Variants in FER1L5 observed in about 807,000 individuals in gnomAD.
FER1L5 encodes fer-1 like family member 5, also known as fer-1-like protein 5.
FER1L5 carries 187 observed loss-of-function variants against 279.9 expected under a neutral mutation model. The observed-to-expected ratio is 0.67, with a 90% CI of 0.59 to 0.75. FER1L5 has a LOEUF of 0.75. FER1L5 is among the 30% of genes least tolerant of loss of function. The pLI is 0.00. For synonymous variants in FER1L5, 921 were observed against 989.7 expected, an observed-to-expected ratio of 0.93 and a Z score of 1.30; for missense variants, 2,091 against 2,594.4, an observed-to-expected ratio of 0.81 and a Z score of 4.21.
In FER1L5 at chr2:96,704,719, C is replaced by T. The variant is rs756884485; in HGVS notation, c.*27C>T. 6.3e-7 allele frequency: 1 copy of T among 1,583,570 alleles called. No homozygotes were observed. Among genetic ancestry groups the T allele is most frequent in the Middle Eastern group, 1.7e-4 (1 of 6,000 alleles). On this transcript the variant is annotated 3_prime_UTR_variant, in exon 53 of 53. Coordinates refer to ENST00000624922, the MANE Select transcript of FER1L5 (RefSeq NM_001293083.2). ...TAGTCCATGCTGCCTGGCTTTCCTC[C>T]TGCTACCAACAGCCCTCCCCTTGGG... is the stretch of plus-strand genomic sequence containing the variant.
chr2:96,686,138 C>A, intron 22 of FER1L5, 21 bp downstream of exon 22: 1 of 1,547,378 alleles, frequency 6.5e-7, no homozygotes, highest in South Asian at 1.2e-5. Flanking sequence ...CACACACTGG[C>A]CTGCAGCAGG....
chr2:96,694,575 C>T lies in FER1L5; in HGVS notation c.3741+111C>T, dbSNP rs1157720447. On this transcript the variant is annotated intron_variant, in intron 34 of 52. Transcript: ENST00000624922. This position sits in a 1 kb window ranked among gnomAD's most constrained non-coding sequence, Gnocchi z 4.6. ...ACTACTGGATCCAAAGCTCACACCCCGAAAAAGACTACCTGGGAGGTGGAG... is the reference window on the plus strand; with the variant it reads ...ACTACTGGATCCAAAGCTCACACCCTGAAAAAGACTACCTGGGAGGTGGAG... The T allele has an allele frequency of 1.3e-5, 10 of 794,836 alleles. No individual in the cohort carries two copies. The highest frequency in any genetic ancestry group is 3.5e-5 in the Admixed American group (1 of 28,672). The allele number at this position is 794,836 out of a possible 1,614,324, so 49.2% of individuals were successfully genotyped here.
chr2:96,668,045 G>A (rs2076190702), intron 14 of FER1L5, among the ~76,000 whole-genome samples: 1 of 151,726 alleles, frequency 6.6e-6, no homozygotes, highest in Non-Finnish European at 1.5e-5. Context: ...ATTTTTTGTA[G>A]AGAGAGGATT....
Position 96,695,595 on chromosome 2 carries a change from A to G in FER1L5, c.3828A>G (p.Glu1276=), listed in dbSNP as rs558905649. Residue 1276 remains glutamate (E), a synonymous_variant, in exon 35 of 53, where the codon GAA becomes GAG. Coordinates refer to ENST00000624922, the MANE Select transcript of FER1L5 (RefSeq NM_001293083.2). ...TCGGGGAAGAGTCCCTGAGGACAGA[A>G]CCCATCAGGGACTTTCAGACCAACC... ...VEFGEESLRT[E]PIRDFQTNPN... 6.4e-5 allele frequency: 102 copies of G among 1,600,710 alleles called. No homozygotes were observed. The East Asian group carries it at 1.8e-3, about 28-fold the overall frequency.
intron 7 of FER1L5, 164 bp from the exon 8 acceptor site, chr2:96,653,475 AT>A: frequency 1.6e-6 from 1 of 623,560 alleles, no homozygotes; most frequent in Non-Finnish European, 2.8e-6. Flanking sequence ...AGCATTTTTT[AT>A]TTCAGATTTT....
chr2:96,658,030 T>G (rs1181847816), intron 9 of FER1L5, among the ~76,000 whole-genome samples: 1 of 152,066 alleles, frequency 6.6e-6, no homozygotes, highest in Non-Finnish European at 1.5e-5. Context: ...CTTTTTTTTT[T>G]TTTTGAGATG....
At chr2:96,653,786 C>A in intron 8 of FER1L5, 84 bp downstream of exon 8, 1 of 1,061,278 alleles carries the variant, frequency 9.4e-7, no homozygotes, top group Non-Finnish European at 1.4e-6. Flanking sequence ...AGCCCCCACC[C>A]TTAGAGCCAG....
chr2:96,654,039 A>T, intron 8 of FER1L5: 1 of 384,444 alleles, frequency 2.6e-6, no homozygotes, highest in Non-Finnish European at 4.7e-6. Flanking sequence ...AATGTGGAAC[A>T]TGTGGTTATC....
chr2:96,643,731 AT>A lies in FER1L5; in HGVS notation c.85+826del, dbSNP rs575542946. Among the ~76,000 whole-genome samples the A allele has an allele frequency of 7.3e-3, 1,003 of 136,726 alleles. 3 individuals carry two copies. Among genetic ancestry groups the A allele is most frequent in the Middle Eastern group, 0.015 (4 of 274 alleles). 89.7% of individuals were successfully genotyped at this position (136,726 alleles called of 152,430 possible). A position where few individuals can be genotyped will look rare whatever the true frequency, so the allele number is the denominator to read the frequency against. On this transcript the variant is annotated intron_variant, in intron 1 of 52. Transcript: ENST00000624922. ...AAATGAAGCAAGTTTTATTATCTCCATTTTTTTTTTTTTTTTAGGTAAGAGA... is the reference window on the plus strand; with the variant it reads ...AAATGAAGCAAGTTTTATTATCTCCATTTTTTTTTTTTTTTAGGTAAGAGA...
Position 96,697,577 on chromosome 2 carries a change from GTGA to G in FER1L5, c.4134+5_4134+7del, listed in dbSNP as rs2077427508. On this transcript the variant is annotated splice_donor_variant and splice_donor_region_variant and intron_variant, in intron 38 of 52. Coordinates refer to ENST00000624922, the MANE Select transcript of FER1L5 (RefSeq NM_001293083.2). LOFTEE classifies it high-confidence loss of function. ...CTGGTTCAAGTCCAGTAAAGCAGAG[GTGA>G]TGAAGGCTCAGCCCCATTCAGTGCA... is the stretch of plus-strand genomic sequence containing the variant. 6.2e-7 allele frequency: 1 copy of G among 1,613,678 alleles called. No homozygotes were observed. Among genetic ancestry groups the G allele is most frequent in the Admixed American group, 1.7e-5 (1 of 59,974 alleles).
chr2:96,669,029 C>A lies in FER1L5; in HGVS notation c.1268-14C>A, dbSNP rs565240875. 1 of 1,551,564 alleles carries A rather than the reference C, an allele frequency of 6.4e-7. No homozygotes were observed. The highest frequency in any genetic ancestry group is 8.7e-7 in the Non-Finnish European group (1 of 1,146,964). On this transcript the variant is annotated splice_polypyrimidine_tract_variant and intron_variant, in intron 16 of 52. Transcript: ENST00000624922. ...CGTCCTGCGCCCGACCCTTCTCACT[C>A]TCTCTCCTTCCAGGAGTGTACTCCG... is the stretch of plus-strand genomic sequence containing the variant.
chr2:96,702,226 C>A lies in FER1L5; in HGVS notation c.5160-80C>A. On this transcript the variant is annotated intron_variant, in intron 46 of 52. Coordinates refer to ENST00000624922, the MANE Select transcript of FER1L5 (RefSeq NM_001293083.2). This position sits in a 1 kb window ranked among gnomAD's most constrained non-coding sequence, Gnocchi z 4.0. ...ACTGAGCAAAAACACACAGGGCAGC[C>A]TCCCAGGCTTCTCTGCCCTCACTGA... 6.4e-7 allele frequency: 1 copy of A among 1,573,226 alleles called. No individual in the cohort carries two copies.
At chr2:96,678,564 C>T (rs182623908) in intron 19 of FER1L5, among the ~76,000 whole-genome samples, 181 of 152,232 alleles carry the variant, frequency 1.2e-3, no homozygotes, top group African/African-American at 2.0e-3. Context: ...TCCCAAGTAG[C>T]TGGGACTACA....
At chr2:96,684,556 T>G in intron 20 of FER1L5, 105 bp downstream of exon 20, 1 of 1,428,140 alleles carries the variant, frequency 7.0e-7, no homozygotes, top group Admixed American at 2.2e-5. Flanking sequence ...ACACAGCTCA[T>G]TCATGCATTC....
Position 96,694,198 on chromosome 2 carries a change from G to T in FER1L5, c.3636+126G>T. On this transcript the variant is annotated intron_variant, in intron 33 of 52. Coordinates refer to ENST00000624922, the MANE Select transcript of FER1L5 (RefSeq NM_001293083.2). This position sits in a 1 kb window ranked among gnomAD's most constrained non-coding sequence, Gnocchi z 4.6. Reference sequence around the variant, plus strand: ...CTGGGGCCCAGGATCCCGAGCTGTGGGCTTGGTGACGCTGGCCTGACCAGC... The same window carrying T: ...CTGGGGCCCAGGATCCCGAGCTGTGTGCTTGGTGACGCTGGCCTGACCAGC... 1 of 1,390,292 alleles carries T rather than the reference G, an allele frequency of 7.2e-7. No homozygotes were observed. The highest frequency in any genetic ancestry group is 9.5e-7 in the Non-Finnish European group (1 of 1,048,298). The allele number at this position is 1,390,292 out of a possible 1,614,324, so 86.1% of individuals were successfully genotyped here.
intron 3 of FER1L5, among the ~76,000 whole-genome samples, chr2:96,647,489 C>G (rs1468438768): frequency 6.6e-6 from 1 of 152,176 alleles, no homozygotes; most frequent in Non-Finnish European, 1.5e-5. Flanking sequence ...GCTATGCCAT[C>G]CCAGGTCAAA....
rs1438213973 is a variant in FER1L5, at chr2:96,661,420, G to A, written c.874G>A (p.Gly292Ser). 7.7e-6 allele frequency: 12 copies of A among 1,551,438 alleles called. No homozygotes were observed. The highest frequency in any genetic ancestry group is 2.4e-5 in the South Asian group (2 of 84,056). ...CCTGAAAGTCACCATCTATGCCCTC[G>A]GTGTGGGAGACCAGGCCCTGGTGAG... is the stretch of plus-strand genomic sequence containing the variant. The part of the protein sequence containing the change: ...GYLKVTIYAL[G>S]VGDQALIDQK... The change falls in exon 11 of 53, where the codon GGT (glycine) becomes AGT (serine). Residue 292 changes from glycine (G) to serine (S), a missense_variant. Gly to Ser is a moderately conservative substitution (Grantham distance 56, BLOSUM62 0). Transcript: ENST00000624922.
At chr2:96,680,941 A>C (rs1463339675) in intron 19 of FER1L5, among the ~76,000 whole-genome samples, 2 of 152,232 alleles carry the variant, frequency 1.3e-5, no homozygotes, top group Non-Finnish European at 2.9e-5. Flanking sequence ...CCATGGCATG[A>C]CCATAGTTCA....
chr2:96,661,814 G>A (rs1383799777), intron 12 of FER1L5, 23 bp downstream of exon 12: 3 of 1,550,902 alleles, frequency 1.9e-6, no homozygotes, highest in African/African-American at 2.7e-5. Flanking sequence ...GTGCAGGGGA[G>A]GGAGCAGCCC....
Sources: gnomAD v4.1 joint callset for allele counts (sites outside exome capture counted in the v4.1 genomes callset) on GRCh38, gnomAD v4.1.1 for gene constraint, Gnocchi (gnomAD v3.1) non-coding constraint, MANE v1.5 for transcripts, NCBI Gene and HGNC (gene_info 2026-07-23, HGNC 2026-07-21) for gene names.